NEBL: variants seen among roughly 807,000 people sequenced by gnomAD.
The protein encoded by NEBL is LIM and SH3 protein 2.
NEBL carries 122 observed loss-of-function variants against 140.2 expected under a neutral mutation model. The ratio of observed to expected loss-of-function variants is 0.87; its 90% CI spans 0.75 to 1.01. The LOEUF (loss-of-function observed/expected upper bound fraction) is 1.01. Ranked by LOEUF, NEBL falls within the 50% of genes least tolerant of loss-of-function variation. The pLI is 0.00. For synonymous variants in NEBL, 436 were observed against 398.9 expected (o/e 1.09, Z -1.11); for missense variants, 1,365 against 1,231.3 (o/e 1.11, Z -1.62).
intron 2 of NEBL, among the ~76,000 whole-genome samples, chr10:21,097,330 G>A (rs1424790539): frequency 6.6e-6 from 1 of 151,926 alleles, no homozygotes; most frequent in Non-Finnish European, 1.5e-5. Context: ...ATGGTGGCGG[G>A]CGCCTGTAAT....
chr10:21,129,983 C>T (rs1839026267), intron 2 of NEBL, among the ~76,000 whole-genome samples: 1 of 151,966 alleles, frequency 6.6e-6, no homozygotes, highest in Admixed American at 6.6e-5. Context: ...TATGACCTAA[C>T]CATATTTTGT....
chr10:21,163,180 G>C (rs985029608), intron 2 of NEBL, among the ~76,000 whole-genome samples: 2 of 152,192 alleles, frequency 1.3e-5, no homozygotes, highest in East Asian at 1.9e-4. Flanking sequence ...ATTGTGAAAG[G>C]CTCTGAAAGT....
At chr10:21,168,430 T>C (rs997152935) in intron 2 of NEBL, among the ~76,000 whole-genome samples, 13 of 152,188 alleles carry the variant, frequency 8.5e-5, no homozygotes, top group Non-Finnish European at 1.8e-4. Context: ...GTAGAAATAA[T>C]AGCAGAACTT....
chr10:21,281,530 G>A (rs1054765700), intron 1 of NEBL, among the ~76,000 whole-genome samples: 1 of 150,728 alleles, frequency 6.6e-6, no homozygotes, highest in South Asian at 2.1e-4. Context: ...GCCATTTTAG[G>A]TTGACATGAA....
chr10:21,029,555 G>A (rs1314681537), intron 2 of NEBL: 8 of 1,604,244 alleles, frequency 5.0e-6, no homozygotes, highest in South Asian at 2.2e-5. Flanking sequence ...TCTTTTGGCC[G>A]TGATAGAAAT....
chr10:21,044,969 C>A (rs1260076197), intron 2 of NEBL, among the ~76,000 whole-genome samples: 1 of 152,140 alleles, frequency 6.6e-6, no homozygotes, highest in Admixed American at 6.5e-5. Flanking sequence ...TCACTGGAAA[C>A]TAGTGAAAAT....
At chr10:20,974,575 A>G (rs1311830040) in intron 3 of NEBL, among the ~76,000 whole-genome samples, 3 of 152,204 alleles carry the variant, frequency 2.0e-5, no homozygotes, top group African/African-American at 7.2e-5. Context: ...ATAAAAATAT[A>G]TCATTATTTT....
chr10:20,984,920 C>T (rs1360913126), intron 3 of NEBL, among the ~76,000 whole-genome samples: 7 of 152,120 alleles, frequency 4.6e-5, no homozygotes, highest in Non-Finnish European at 1.0e-4. Flanking sequence ...GAGCACGAAC[C>T]CTATTGTGAA....
At chr10:20,938,528 G>T (rs1834644375) in intron 4 of NEBL, among the ~76,000 whole-genome samples, 2 of 152,208 alleles carry the variant, frequency 1.3e-5, no homozygotes, top group South Asian at 2.1e-4. Context: ...AAAAATCAGA[G>T]CGCCTCTTCT....
chr10:20,866,589 C>T (rs1157061742), intron 7 of NEBL, among the ~76,000 whole-genome samples: 1 of 152,154 alleles, frequency 6.6e-6, no homozygotes, highest in African/African-American at 2.4e-5. Context: ...AGATTTCTGT[C>T]CCCTGGCAGG....
chr10:20,992,602 T>C (rs1278430396), intron 3 of NEBL, among the ~76,000 whole-genome samples: 2 of 152,050 alleles, frequency 1.3e-5, no homozygotes, highest in African/African-American at 4.8e-5. Flanking sequence ...ACGGTCACTA[T>C]GCACTTTGAG....
At chr10:20,833,593 AGAATT>A (rs929820651) in intron 14 of NEBL, among the ~76,000 whole-genome samples, 36 of 152,226 alleles carry the variant, frequency 2.4e-4, no homozygotes, top group African/African-American at 7.9e-4. Context: ...AAACCATTAA[AGAATT>A]GCATGTGAGG....
At position 20,965,516 on chromosome 10, in the gene NEBL, C is replaced by T. The variant is rs78036926; in HGVS notation, c.250-3737G>A. On this transcript the variant is annotated intron_variant, in intron 3 of 6. Coordinates refer to the NEBL transcript ENST00000417816. Reference sequence around the variant, plus strand: ...ACCCTTTAGAAAGGTCAAGGAAGGCCGCTCTGTCTGGAGCAACCTTAGTGG... The same window carrying T: ...ACCCTTTAGAAAGGTCAAGGAAGGCTGCTCTGTCTGGAGCAACCTTAGTGG... Among the ~76,000 whole-genome samples, 790 of 152,242 alleles carry T rather than the reference C, an allele frequency of 5.2e-3. 10 individuals are homozygous for T. The highest frequency in any genetic ancestry group is 0.018 in the African/African-American group (758 of 41,534).
intron 2 of NEBL, among the ~76,000 whole-genome samples, chr10:21,035,142 C>A (rs150493006): frequency 6.6e-6 from 1 of 151,850 alleles, no homozygotes; most frequent in African/African-American, 2.4e-5. Context: ...GGATTGCAGG[C>A]GCCTGCCACC....
chr10:21,038,619 C>T (rs998490779), intron 2 of NEBL, among the ~76,000 whole-genome samples: 2 of 152,184 alleles, frequency 1.3e-5, no homozygotes, highest in African/African-American at 4.8e-5. Context: ...CATTGATGGG[C>T]ATTTGGGTTG....
At chr10:20,917,474 T>A (rs11012390) in intron 4 of NEBL, among the ~76,000 whole-genome samples, 1 of 151,986 alleles carries the variant, frequency 6.6e-6, no homozygotes, top group Non-Finnish European at 1.5e-5. Flanking sequence ...AAGTTGAGAC[T>A]GTTCAGGGGA....
At chr10:21,161,000 C>T (rs762334602) in intron 2 of NEBL, among the ~76,000 whole-genome samples, 36 of 152,008 alleles carry the variant, frequency 2.4e-4, no homozygotes, top group Non-Finnish European at 4.7e-4. Flanking sequence ...AGACATTATT[C>T]TTGTCATCAT....
intron 18 of NEBL, among the ~76,000 whole-genome samples, chr10:20,825,870 A>T (rs1020517461): frequency 2.6e-4 from 40 of 152,282 alleles, no homozygotes; most frequent in African/African-American, 8.9e-4. Flanking sequence ...AAGTTATTTC[A>T]CAATTTATAG....
chr10:20,920,565 G>A (rs1202496509), intron 4 of NEBL, among the ~76,000 whole-genome samples: 3 of 152,032 alleles, frequency 2.0e-5, no homozygotes, highest in Non-Finnish European at 4.4e-5. Context: ...TTGGTTAAGA[G>A]ATGAAAGAAT....
Sources: gnomAD v4.1 joint callset for allele counts (sites outside exome capture counted in the v4.1 genomes callset) on GRCh38, gnomAD v4.1.1 for gene constraint, MANE v1.5 for transcripts, NCBI Gene and HGNC (gene_info 2026-07-23, HGNC 2026-07-21) for gene names.